Variants in SUPT3H observed in about 807,000 individuals in gnomAD.
The protein encoded by SUPT3H is SPT3 homolog, SAGA and STAGA complex component, also known as transcription initiation protein SPT3 homolog.
A neutral mutation model predicts 44.3 loss-of-function variants in SUPT3H; 44 were observed. The observed-to-expected ratio is 0.99, with a 90% CI of 0.78 to 1.28. The LOEUF (loss-of-function observed/expected upper bound fraction) is 1.28, where lower values mean the gene tolerates loss of function less well. Among genes scored for constraint, SUPT3H ranks in the 50% most tolerant of loss-of-function variants. SUPT3H has a pLI of 0.00. For synonymous variants in SUPT3H, 124 were observed against 125.6 expected, an observed-to-expected ratio of 0.99 and a Z score of 0.09; for missense variants, 380 against 387.1, an observed-to-expected ratio of 0.98 and a Z score of 0.15.
chr6:45,201,578 C>G (rs1029518410), intron 2 of SUPT3H, among the ~76,000 whole-genome samples: 1 of 151,770 alleles, frequency 6.6e-6, no homozygotes, highest in South Asian at 2.1e-4. Flanking sequence ...TCATAACATG[C>G]ATAATCATTC....
chr6:44,963,448 C>G (rs1390719881), intron 6 of SUPT3H, among the ~76,000 whole-genome samples: 1 of 152,148 alleles, frequency 6.6e-6, no homozygotes, highest in Admixed American at 6.5e-5. Flanking sequence ...TGAGATCACG[C>G]CACTGCACAC....
chr6:45,141,773 T>A (rs1805258559), intron 2 of SUPT3H, among the ~76,000 whole-genome samples: 1 of 152,150 alleles, frequency 6.6e-6, no homozygotes, highest in African/African-American at 2.4e-5. Flanking sequence ...GCAGATGGAT[T>A]CACAGATGAA....
At chr6:45,300,019 C>T (rs571876784) in intron 2 of SUPT3H, among the ~76,000 whole-genome samples, 83 of 152,034 alleles carry the variant, frequency 5.5e-4, no homozygotes, top group African/African-American at 1.9e-3. Flanking sequence ...CATAAGTGGC[C>T]CTTTAATTAA....
chr6:45,339,706 C>T (rs12199720), intron 2 of SUPT3H, among the ~76,000 whole-genome samples: 90,702 of 151,836 alleles, frequency 0.6, 27,496 homozygotes, highest in African/African-American at 0.66. Context: ...AGTACATAAT[C>T]AATCTAATCC....
intron 3 of SUPT3H, among the ~76,000 whole-genome samples, chr6:45,058,177 TG>T (rs1791436395): frequency 6.6e-6 from 1 of 152,000 alleles, no homozygotes; most frequent in African/African-American, 2.4e-5. Flanking sequence ...AGACAAGAGA[TG>T]AAGCAAGATG....
chr6:44,914,128 C>T (rs1767466018), intron 10 of SUPT3H, among the ~76,000 whole-genome samples: 1 of 152,108 alleles, frequency 6.6e-6, no homozygotes, highest in East Asian at 1.9e-4. Flanking sequence ...AATAGGTAGA[C>T]AGAATGGACT....
chr6:44,975,695 C>T (rs894434440), intron 6 of SUPT3H, among the ~76,000 whole-genome samples: 1 of 151,892 alleles, frequency 6.6e-6, no homozygotes, highest in Non-Finnish European at 1.5e-5. Context: ...TACACGTAAC[C>T]AAAAACCACC....
At chr6:45,303,572 T>C (rs1782483522) in intron 2 of SUPT3H, among the ~76,000 whole-genome samples, 1 of 151,776 alleles carries the variant, frequency 6.6e-6, no homozygotes, top group African/African-American at 2.4e-5. Context: ...TTTTTGTTTC[T>C]CGTTTCTGTT....
chr6:45,304,195 C>G (rs1782634076), intron 2 of SUPT3H, among the ~76,000 whole-genome samples: 1 of 151,976 alleles, frequency 6.6e-6, no homozygotes, highest in African/African-American at 2.4e-5. Context: ...AATGTGTAAA[C>G]AGCAATATCT....
intron 2 of SUPT3H, among the ~76,000 whole-genome samples, chr6:45,284,890 C>A (rs1584700092): frequency 6.6e-6 from 1 of 152,294 alleles, no homozygotes; most frequent in African/African-American, 2.4e-5. Context: ...AAAGCTTATC[C>A]ACCATGATCA....
At chr6:44,909,787 G>A (rs912683999) in intron 10 of SUPT3H, among the ~76,000 whole-genome samples, 2 of 152,100 alleles carry the variant, frequency 1.3e-5, no homozygotes, top group Non-Finnish European at 2.9e-5. Context: ...AAAGGCTGAG[G>A]GCATTACAAG....
intron 2 of SUPT3H, among the ~76,000 whole-genome samples, chr6:45,175,183 ATGTG>A (rs141997897): frequency 1.3e-5 from 2 of 152,086 alleles, no homozygotes; most frequent in African/African-American, 4.8e-5. Context: ...ATGTTTGCAG[ATGTG>A]TGTGTGTGCA....
At chr6:45,104,687 C>G (rs113136746) in intron 3 of SUPT3H, among the ~76,000 whole-genome samples, 66 of 151,296 alleles carry the variant, frequency 4.4e-4, no homozygotes, top group Middle Eastern at 3.5e-3. Flanking sequence ...ACAATAGCAA[C>G]AAAGAAGATG....
intron 2 of SUPT3H, among the ~76,000 whole-genome samples, chr6:45,295,197 A>G (rs1780946616): frequency 6.6e-6 from 1 of 152,192 alleles, no homozygotes; most frequent in African/African-American, 2.4e-5. Flanking sequence ...CTAAACACTT[A>G]CAGCCAACTG....
intron 2 of SUPT3H, among the ~76,000 whole-genome samples, chr6:45,267,603 T>A (rs1432533851): frequency 6.6e-6 from 1 of 152,198 alleles, no homozygotes; most frequent in African/African-American, 2.4e-5. Context: ...AATACCTATC[T>A]CCTTTGAACT....
At chr6:45,350,296 T>C (rs1012903833) in intron 2 of SUPT3H, among the ~76,000 whole-genome samples, 2 of 152,236 alleles carry the variant, frequency 1.3e-5, no homozygotes, top group African/African-American at 4.8e-5. Flanking sequence ...AACATTTGTA[T>C]ATAATAATCT....
At chr6:45,017,619 T>G (rs1784493171) in intron 4 of SUPT3H, among the ~76,000 whole-genome samples, 1 of 151,546 alleles carries the variant, frequency 6.6e-6, no homozygotes, top group South Asian at 2.1e-4. Context: ...TCCCCATTGC[T>G]TGTTTTTCTC....
At chr6:45,186,538 C>A (rs1814244772) in intron 2 of SUPT3H, among the ~76,000 whole-genome samples, 1 of 152,152 alleles carries the variant, frequency 6.6e-6, no homozygotes, top group Non-Finnish European at 1.5e-5. Flanking sequence ...GTGGAGATGA[C>A]AGACAAAATC....
intron 2 of SUPT3H, among the ~76,000 whole-genome samples, chr6:45,225,837 A>G (rs1323855732): frequency 6.6e-6 from 1 of 152,172 alleles, no homozygotes; most frequent in South Asian, 2.1e-4. Context: ...ACCTGAAGAA[A>G]TAACAGCCTT....
Sources: gnomAD v4.1 joint callset for allele counts (sites outside exome capture counted in the v4.1 genomes callset) on GRCh38, gnomAD v4.1.1 for gene constraint, MANE v1.5 for transcripts, NCBI Gene and HGNC (gene_info 2026-07-23, HGNC 2026-07-21) for gene names.